Variants in PTK2 observed in about 807,000 individuals in gnomAD.
PTK2 encodes the protein focal adhesion kinase 1.
A neutral mutation model predicts 150.1 loss-of-function variants in PTK2; 45 were observed. The ratio of observed to expected loss-of-function variants is 0.30; its 90% CI spans 0.24 to 0.38. PTK2 has a LOEUF of 0.38. PTK2 is among the 10% of genes least tolerant of loss of function. PTK2 has a pLI of 1.00. For missense variants in PTK2, 919 were observed against 1,307.3 expected (o/e 0.70, Z 4.58); for synonymous variants, 432 against 449.2 (o/e 0.96, Z 0.48).
At position 140,936,060 on chromosome 8, in the gene PTK2, C is replaced by T. The variant is rs527566617; in HGVS notation, c.-121-10311G>A. ...GCATGGTGGCATGCATCTGTAGTCC[C>T]GGCTACTCAGGAGGCTGAGACAGGA... On this transcript the variant is annotated intron_variant, in intron 1 of 31. Coordinates refer to ENST00000522684, the Ensembl canonical transcript of PTK2. 3.3e-5 allele frequency among the ~76,000 whole-genome samples: 5 copies of T among 152,112 alleles called. No homozygotes were observed. The South Asian group carries it at 8.3e-4, about 25-fold the overall frequency.
At chr8:140,778,667 C>G (rs1265302638) in intron 14 of PTK2, among the ~76,000 whole-genome samples, 1 of 152,204 alleles carries the variant, frequency 6.6e-6, no homozygotes. Flanking sequence ...CTGGCTTTAA[C>G]TTGGCCAAGT....
At chr8:140,726,285 T>A (rs1463712005) in intron 22 of PTK2, among the ~76,000 whole-genome samples, 1 of 152,028 alleles carries the variant, frequency 6.6e-6, no homozygotes, top group African/African-American at 2.4e-5. Context: ...CCATCAGAAG[T>A]CTTAACACAC....
intron 22 of PTK2, among the ~76,000 whole-genome samples, chr8:140,733,703 T>C (rs892528501): frequency 2.6e-5 from 4 of 152,206 alleles, no homozygotes; most frequent in Non-Finnish European, 5.9e-5. Flanking sequence ...CTGAAGATTT[T>C]TGGCTTGAAG....
intron 27 of PTK2, among the ~76,000 whole-genome samples, chr8:140,680,338 C>T (rs1197103570): frequency 1.3e-5 from 2 of 152,172 alleles, no homozygotes; most frequent in Non-Finnish European, 2.9e-5. Context: ...AGCGATTCTC[C>T]TGCCTCAGCC....
chr8:140,922,084 C>T (rs531527018), intron 2 of PTK2, among the ~76,000 whole-genome samples: 4 of 152,142 alleles, frequency 2.6e-5, no homozygotes, highest in South Asian at 2.1e-4. Flanking sequence ...TGAAAATGAC[C>T]GAGGCTTTGT....
intron 1 of PTK2, among the ~76,000 whole-genome samples, chr8:140,939,745 A>T (rs1199555391): frequency 6.6e-6 from 1 of 152,246 alleles, no homozygotes; most frequent in Non-Finnish European, 1.5e-5. Context: ...CTTTATGGTA[A>T]ATCATTTCGC....
intron 2 of PTK2, among the ~76,000 whole-genome samples, chr8:140,922,329 G>A (rs1385782512): frequency 6.6e-6 from 1 of 151,802 alleles, no homozygotes; most frequent in Non-Finnish European, 1.5e-5. Context: ...CTGACCCCAG[G>A]GAACACTGGG....
chr8:140,875,735 T>C (rs551183464), intron 4 of PTK2, among the ~76,000 whole-genome samples: 1 of 152,342 alleles, frequency 6.6e-6, no homozygotes, highest in South Asian at 2.1e-4. Context: ...TTGCCTGGGT[T>C]ATTCCACTAA....
chr8:140,930,960 G>C (rs1252705476), intron 1 of PTK2, among the ~76,000 whole-genome samples: 1 of 151,396 alleles, frequency 6.6e-6, no homozygotes, highest in African/African-American at 2.4e-5. Context: ...TGTAACTCCA[G>C]CTACTCAGGA....
chr8:140,736,497 C>G (rs2100052677), intron 21 of PTK2, among the ~76,000 whole-genome samples: 1 of 151,026 alleles, frequency 6.6e-6, no homozygotes, highest in African/African-American at 2.4e-5. Flanking sequence ...ATGTAACAAA[C>G]CTGCACATGG....
chr8:140,682,583 A>G (rs2100017674), intron 27 of PTK2, among the ~76,000 whole-genome samples: 1 of 151,940 alleles, frequency 6.6e-6, no homozygotes, highest in Admixed American at 6.6e-5. Context: ...CACATGGTAC[A>G]TACTCTAAAA....
At chr8:140,840,365 A>G (rs1017116353) in intron 7 of PTK2, among the ~76,000 whole-genome samples, 1 of 152,240 alleles carries the variant, frequency 6.6e-6, no homozygotes. Context: ...TGTTTAAGAA[A>G]TAAAATCATA....
intron 31 of PTK2, among the ~76,000 whole-genome samples, chr8:140,664,359 A>G (rs1300320511): frequency 1.3e-5 from 2 of 152,148 alleles, no homozygotes; most frequent in East Asian, 1.9e-4. Flanking sequence ...CTTGAAATCC[A>G]GGCCTCAAGC....
intron 4 of PTK2, among the ~76,000 whole-genome samples, chr8:140,866,147 G>A (rs955301313): frequency 1.3e-5 from 2 of 152,040 alleles, no homozygotes; most frequent in African/African-American, 4.8e-5. Context: ...ATAATTATTC[G>A]CATTCTGCAG....
intron 26 of PTK2, among the ~76,000 whole-genome samples, chr8:140,692,622 C>T (rs2100023852): frequency 7.4e-6 from 1 of 135,372 alleles, no homozygotes; most frequent in African/African-American, 2.8e-5. Flanking sequence ...CGTCTCAAAA[C>T]AAACAAAAAC....
chr8:140,699,310 A>C (rs1242800815), intron 26 of PTK2, among the ~76,000 whole-genome samples: 1 of 152,138 alleles, frequency 6.6e-6, no homozygotes, highest in Non-Finnish European at 1.5e-5. Flanking sequence ...AGGAAGATTG[A>C]AATAGCTATT....
intron 2 of PTK2, among the ~76,000 whole-genome samples, chr8:140,906,687 G>GGTT (rs2100161011): frequency 6.6e-6 from 1 of 152,126 alleles, no homozygotes; most frequent in Non-Finnish European, 1.5e-5. Context: ...GGCATAAATA[G>GGTT]AAGTAGGTTA....
At chr8:140,711,357 T>A (rs565326522) in intron 23 of PTK2, among the ~76,000 whole-genome samples, 2 of 152,318 alleles carry the variant, frequency 1.3e-5, no homozygotes, top group South Asian at 2.1e-4. Context: ...TCAGCTCATC[T>A]TGGCTGCCCA....
chr8:140,839,859 G>T (rs188335949), intron 7 of PTK2, among the ~76,000 whole-genome samples: 2 of 152,192 alleles, frequency 1.3e-5, no homozygotes, highest in Admixed American at 6.5e-5. Context: ...TTTATAAAAA[G>T]AAATCGAAGC....
Sources: allele counts gnomAD v4.1 joint callset (sites outside exome capture counted in the v4.1 genomes callset), GRCh38; gene constraint gnomAD v4.1.1; transcripts MANE v1.5; gene names NCBI Gene and HGNC (gene_info 2026-07-23, HGNC 2026-07-21).